The following PTHLH variants were observed in gnomAD, a reference collection of about 807,000 sequenced individuals.
PTHLH encodes the protein parathyroid hormone like hormone.
A neutral mutation model predicts 18.6 loss-of-function variants in PTHLH; 5 were observed. The ratio of observed to expected loss-of-function variants is 0.27; its 90% confidence interval spans 0.14 to 0.56. PTHLH has a LOEUF of 0.56. Ranked by LOEUF, PTHLH falls within the 20% of genes least tolerant of loss-of-function variation. The pLI is 0.92. For missense variants in PTHLH, 207 were observed against 223.9 expected, an observed-to-expected ratio of 0.92 and a Z score of 0.48; for synonymous variants, 90 against 94.0, an observed-to-expected ratio of 0.96 and a Z score of 0.25.
intron 3 of PTHLH, 45 bp downstream of exon 3, chr12:27,969,980 C>T (rs751004475): frequency 1.9e-6 from 1 of 519,150 alleles, no homozygotes; most frequent in South Asian, 1.4e-5. Context: ...GTTCCAGAGC[C>T]ACTTGTAGCG....
At chr12:27,969,262 C>T in intron 4 of PTHLH, 132 bp downstream of exon 4, 1 of 865,590 alleles carries the variant, frequency 1.2e-6, no homozygotes, top group Non-Finnish European at 1.8e-6. Flanking sequence ...GGCAGGTATC[C>T]GGGATGGTCC....
intron 4 of PTHLH, chr12:27,969,008 G>T (rs912129663): frequency 4.9e-5 from 11 of 226,684 alleles, no homozygotes; most frequent in African/African-American, 1.4e-4. Context: ...ATACAAGCGC[G>T]CAGGCCATAC....
intron 4 of PTHLH, among the ~76,000 whole-genome samples, chr12:27,964,678 C>T (rs1189537672): frequency 2.0e-5 from 3 of 151,998 alleles, no homozygotes; most frequent in South Asian, 2.1e-4. Context: ...TTTCTACTTG[C>T]TCTCTTTGTC....
chr12:27,969,880 C>G lies in PTHLH; in HGVS notation c.-23+145G>C. 1.1e-5 allele frequency: 6 copies of G among 523,390 alleles called. No homozygotes were observed. The Middle Eastern group carries it at 1.9e-3, about 165-fold the overall frequency. The allele number at this position is 523,390 out of a possible 1,614,324, so 32.4% of individuals were successfully genotyped here. On this transcript the variant is annotated intron_variant, in intron 3 of 5. Transcript: ENST00000545234. ...TGTCTAATTAATCTGGCCAGCAGTT[C>G]TCCTGGGTTCGTGGAACAGGGCTAA...
intron 2 of PTHLH, among the ~76,000 whole-genome samples, chr12:27,970,632 G>A (rs1443667871): frequency 1.3e-5 from 2 of 151,946 alleles, no homozygotes; most frequent in African/African-American, 4.8e-5. Flanking sequence ...CGAGATCCCC[G>A]AGGGCGTGCG....
At chr12:27,967,706 G>A (rs2062828170) in intron 4 of PTHLH, among the ~76,000 whole-genome samples, 1 of 152,160 alleles carries the variant, frequency 6.6e-6, no homozygotes, top group Non-Finnish European at 1.5e-5. Context: ...ATGTTTTGTG[G>A]TAGTTTTATA....
At chr12:27,970,995 C>A (rs2062867423) in intron 2 of PTHLH, among the ~76,000 whole-genome samples, 1 of 152,164 alleles carries the variant, frequency 6.6e-6, no homozygotes, top group Non-Finnish European at 1.5e-5. Context: ...TGCTGGGAGA[C>A]ATCTGGAGCC....
At chr12:27,962,252 A>C (rs2120622563) in intron 5 of PTHLH, 1 of 301,916 alleles carries the variant, frequency 3.3e-6, no homozygotes, top group African/African-American at 2.1e-5. Context: ...AGATAGATAG[A>C]TAGATAGATA....
At position 27,958,374 on chromosome 12, in the gene PTHLH, G is replaced by A; in HGVS notation, c.*185C>T. 1 of 405,810 alleles carries A rather than the reference G, an allele frequency of 2.5e-6. No individual in the cohort carries two copies. 25.1% of individuals were successfully genotyped at this position (405,810 alleles called of 1,614,324 possible). A position where few individuals can be genotyped will look rare whatever the true frequency, so the allele number is the denominator to read the frequency against. ...ATGGTAAATGTGATAATAATAATTG[G>A]ATTAGCCTTGGCAAAAAAAAAATAT... On this transcript the variant is annotated 3_prime_UTR_variant, in exon 6 of 6. Coordinates refer to ENST00000545234, the MANE Select transcript of PTHLH (RefSeq NM_198965.2).
At chr12:27,959,791 G>T (rs1413749712) in intron 5 of PTHLH, among the ~76,000 whole-genome samples, 1 of 152,182 alleles carries the variant, frequency 6.6e-6, no homozygotes. Flanking sequence ...CAACTGCAAA[G>T]AAAAGAAGAG....
chr12:27,967,482 G>T (rs987892539), intron 4 of PTHLH, among the ~76,000 whole-genome samples: 1 of 152,168 alleles, frequency 6.6e-6, no homozygotes, highest in African/African-American at 2.4e-5. Flanking sequence ...TTTCTTTCAA[G>T]AAACTAGCTT....
intron 4 of PTHLH, among the ~76,000 whole-genome samples, chr12:27,968,143 A>G (rs1245743825): frequency 6.6e-6 from 1 of 152,212 alleles, no homozygotes; most frequent in Non-Finnish European, 1.5e-5. Context: ...TAAAATGTTG[A>G]TCTGAAGAAT....
At chr12:27,967,405 C>T (rs2062824490) in intron 4 of PTHLH, among the ~76,000 whole-genome samples, 1 of 152,176 alleles carries the variant, frequency 6.6e-6, no homozygotes, top group Admixed American at 6.5e-5. Context: ...ATCTATACTT[C>T]TAAAGCAGTT....
intron 5 of PTHLH, chr12:27,962,012 G>GAA: frequency 3.1e-6 from 2 of 642,664 alleles, no homozygotes; most frequent in Admixed American, 2.8e-5. Context: ...AAAGTGAAAA[G>GAA]AAAAAAAAAT....
At chr12:27,967,507 G>T (rs1019018992) in intron 4 of PTHLH, among the ~76,000 whole-genome samples, 9 of 152,134 alleles carry the variant, frequency 5.9e-5, no homozygotes, top group African/African-American at 2.2e-4. Flanking sequence ...TAGCATAATG[G>T]TAGACTTATG....
chr12:27,970,148 C>T lies in PTHLH; in HGVS notation c.-146G>A, dbSNP rs1178212828. The T allele has an allele frequency of 2.1e-5, 11 of 518,064 alleles. No homozygotes were observed. The highest frequency in any genetic ancestry group is 3.9e-5 in the Admixed American group (2 of 51,582). 32.1% of individuals were successfully genotyped at this position (518,064 alleles called of 1,614,324 possible). ...GCGAGGGCGGGTCGTTAGTGGCAGC[C>T]GGAGCGGCAGGGAGGCGGCAGCCCC... On this transcript the variant is annotated 5_prime_UTR_variant, in exon 3 of 6. Coordinates refer to ENST00000545234, the MANE Select transcript of PTHLH (RefSeq NM_198965.2).
At position 27,963,332 on chromosome 12, in the gene PTHLH, C is replaced by T. The variant is rs1467037607; in HGVS notation, c.524+16G>A. 1.2e-6 allele frequency: 2 copies of T among 1,614,204 alleles called. No individual in the cohort carries two copies. The highest frequency in any genetic ancestry group is 1.7e-6 in the Non-Finnish European group (2 of 1,180,042). On this transcript the variant is annotated intron_variant, in intron 5 of 5. Coordinates refer to ENST00000545234, the MANE Select transcript of PTHLH (RefSeq NM_198965.2). ...AGAGCACCCCGCTGAGGCTACGGGCCAGAGAAGCCTGTTACCGTGAATCGA... is the reference window on the plus strand; with the variant it reads ...AGAGCACCCCGCTGAGGCTACGGGCTAGAGAAGCCTGTTACCGTGAATCGA...
rs2120690992 is a variant in PTHLH, at chr12:27,972,695, T to TCA, written c.-532_-531insTG. The stretch of plus-strand genomic sequence containing the variant: ...CTTCTGTTCCCACTAAAGGCAATTA[T>TCA]TAGAAAGCAGGTACCTCTTCCAAGC... On this transcript the variant is annotated 5_prime_UTR_variant, in exon 1 of 6. In the 5' UTR this introduces an upstream ATG that the reference lacks. Coordinates refer to ENST00000545234, the MANE Select transcript of PTHLH (RefSeq NM_198965.2). 6.6e-6 allele frequency: 1 copy of TCA among 151,168 alleles called. No individual in the cohort carries two copies. Among genetic ancestry groups the TCA allele is most frequent in the African/African-American group, 2.5e-5 (1 of 40,462 alleles). 9.4% of individuals were successfully genotyped at this position (151,168 alleles called of 1,614,324 possible).
At chr12:27,959,059 T>C (rs188660356) in intron 5 of PTHLH, among the ~76,000 whole-genome samples, 7 of 152,246 alleles carry the variant, frequency 4.6e-5, no homozygotes, top group African/African-American at 1.7e-4. Context: ...TAGTGGGCTG[T>C]GGTGAGGATA....
Sources: allele counts gnomAD v4.1 joint callset (sites outside exome capture counted in the v4.1 genomes callset), GRCh38; gene constraint gnomAD v4.1.1; transcripts MANE v1.5; gene names NCBI Gene and HGNC (gene_info 2026-07-23, HGNC 2026-07-21).